SLC39A11: variants seen among roughly 807,000 people sequenced by gnomAD.
The protein encoded by SLC39A11 is solute carrier family 39 member 11.
A neutral mutation model predicts 36.1 loss-of-function variants in SLC39A11; 33 were observed. The observed-to-expected ratio is 0.91, with a 90% confidence interval of 0.69 to 1.22. SLC39A11 has a LOEUF of 1.22. Among genes scored for constraint, SLC39A11 ranks in the 50% most tolerant of loss-of-function variants. The pLI is 0.00. For synonymous variants in SLC39A11, 166 were observed against 170.3 expected (o/e 0.97, Z 0.20); for missense variants, 432 against 430.3 (o/e 1.00, Z -0.03).
At chr17:72,722,537 T>C (rs1373783785) in intron 7 of SLC39A11, among the ~76,000 whole-genome samples, 2 of 149,946 alleles carry the variant, frequency 1.3e-5, no homozygotes, top group African/African-American at 5.1e-5. Flanking sequence ...AAGTAAGGTC[T>C]TTGGAAGGTC....
intron 6 of SLC39A11, among the ~76,000 whole-genome samples, chr17:72,753,275 T>A (rs1425924870): frequency 6.6e-6 from 1 of 152,230 alleles, no homozygotes; most frequent in African/African-American, 2.4e-5. Context: ...TCAGGAAAAA[T>A]TTCCCCACAT....
intron 7 of SLC39A11, among the ~76,000 whole-genome samples, chr17:72,678,456 T>C (rs955706385): frequency 6.6e-6 from 1 of 152,038 alleles, no homozygotes; most frequent in Non-Finnish European, 1.5e-5. Context: ...TCTGTAATCC[T>C]AGCACTTTGG....
intron 6 of SLC39A11, among the ~76,000 whole-genome samples, chr17:72,806,780 G>T (rs950441478): frequency 1.3e-5 from 2 of 152,090 alleles, no homozygotes; most frequent in Non-Finnish European, 1.5e-5. Flanking sequence ...ACGGGGTTGT[G>T]CCATGTTGGC....
chr17:72,895,721 C>T (rs1473576328), intron 5 of SLC39A11, among the ~76,000 whole-genome samples: 3 of 152,144 alleles, frequency 2.0e-5, no homozygotes, highest in Non-Finnish European at 2.9e-5. Context: ...AGTGAGTTCT[C>T]TATTTTTCTC....
At chr17:72,765,395 T>G (rs567641989) in intron 6 of SLC39A11, among the ~76,000 whole-genome samples, 3 of 152,214 alleles carry the variant, frequency 2.0e-5, no homozygotes, top group African/African-American at 7.2e-5. Flanking sequence ...TGAAAAATCC[T>G]AGCCTCCAAA....
chr17:73,074,044 A>AT (rs1324752382), intron 3 of SLC39A11, among the ~76,000 whole-genome samples: 1 of 150,996 alleles, frequency 6.6e-6, no homozygotes, highest in Non-Finnish European at 1.5e-5. Context: ...AGGCAGTAAG[A>AT]TGGAAAAAAA....
At chr17:73,086,677 G>C (rs1263724203) in intron 2 of SLC39A11, among the ~76,000 whole-genome samples, 1 of 152,144 alleles carries the variant, frequency 6.6e-6, no homozygotes, top group Non-Finnish European at 1.5e-5. Context: ...AAAATTAGCT[G>C]GGCATGGTGG....
At chr17:73,014,867 C>T (rs2090722557) in intron 4 of SLC39A11, among the ~76,000 whole-genome samples, 1 of 152,116 alleles carries the variant, frequency 6.6e-6, no homozygotes, top group Admixed American at 6.5e-5. Context: ...GTGACATCTT[C>T]CTCTCCTGTT....
At position 72,977,514 on chromosome 17, in the gene SLC39A11, C is replaced by G. The variant is rs2087945519; in HGVS notation, c.307-29639G>C. 1.3e-5 allele frequency among the ~76,000 whole-genome samples: 2 copies of G among 152,168 alleles called. 1 individual carries two copies. Among genetic ancestry groups the G allele is most frequent in the South Asian group, 4.1e-4 (2 of 4,832 alleles). On this transcript the variant is annotated intron_variant, in intron 4 of 9. Coordinates refer to ENST00000255559, the MANE Select transcript of SLC39A11 (RefSeq NM_139177.4). ...GCGTGTCCCCAGGCCCTAGTTCATG[C>G]AGATAAAACCTGTCTTGGATATCAG...
chr17:72,670,139 TAC>T (rs1198524190), intron 7 of SLC39A11, among the ~76,000 whole-genome samples: 23 of 147,986 alleles, frequency 1.6e-4, no homozygotes, highest in Admixed American at 7.6e-4. Flanking sequence ...GAGATACGTA[TAC>T]ACACACACAC....
intron 6 of SLC39A11, among the ~76,000 whole-genome samples, chr17:72,795,116 T>C (rs576739021): frequency 6.6e-6 from 1 of 152,250 alleles, no homozygotes; most frequent in Admixed American, 6.5e-5. Context: ...TACTGCTGTA[T>C]AACATCTTCC....
intron 6 of SLC39A11, chr17:72,817,778 A>C (rs1453666520): frequency 6.6e-6 from 1 of 152,192 alleles, no homozygotes; most frequent in East Asian, 1.9e-4. Flanking sequence ...TCTTGTCCCC[A>C]TGGTGGTCTG....
chr17:73,005,470 C>T (rs2090129489), intron 4 of SLC39A11, among the ~76,000 whole-genome samples: 1 of 152,232 alleles, frequency 6.6e-6, no homozygotes, highest in Non-Finnish European at 1.5e-5. Context: ...TGGCCACCCT[C>T]TCACAATTAA....
rs567494714 is a variant in SLC39A11 at position 73,004,170 on chromosome 17, A to G, written c.306+27386T>C. Among the ~76,000 whole-genome samples the G allele has an allele frequency of 8.8e-3, 530 of 60,100 alleles. 5 individuals are homozygous for G. The highest frequency in any genetic ancestry group is 0.011 in the Non-Finnish European group (311 of 29,464). 39.4% of individuals were successfully genotyped at this position (60,100 alleles called of 152,430 possible). A position where few individuals can be genotyped will look rare whatever the true frequency, so the allele number is the denominator to read the frequency against. On this transcript the variant is annotated intron_variant, in intron 4 of 9. Coordinates refer to ENST00000255559, the MANE Select transcript of SLC39A11 (RefSeq NM_139177.4). ...AAGAAAGAAAGAAGGAAAAAAAGAA[A>G]GAAAGAAAGAAAGAAAGAAAGAAAG...
At chr17:72,977,751 T>C (rs1004160187) in intron 4 of SLC39A11, among the ~76,000 whole-genome samples, 5 of 152,078 alleles carry the variant, frequency 3.3e-5, no homozygotes, top group African/African-American at 1.2e-4. Flanking sequence ...AACAATGAGT[T>C]TGGGGAAACG....
At chr17:72,884,730 C>T (rs966225202) in intron 5 of SLC39A11, among the ~76,000 whole-genome samples, 90 of 152,294 alleles carry the variant, frequency 5.9e-4, no homozygotes, top group African/African-American at 2.0e-3. Flanking sequence ...AATAGGAAAT[C>T]GCTGCAGCAG....
chr17:72,882,794 C>T (rs933097110), intron 5 of SLC39A11, among the ~76,000 whole-genome samples: 2 of 66,500 alleles, frequency 3.0e-5, no homozygotes, highest in African/African-American at 1.1e-4. Flanking sequence ...AGAGAGAATG[C>T]TTCTTTTTTT....
intron 4 of SLC39A11, among the ~76,000 whole-genome samples, chr17:73,028,001 C>T (rs2058615365): frequency 6.6e-6 from 1 of 152,198 alleles, no homozygotes; most frequent in Non-Finnish European, 1.5e-5. Context: ...CAGACAGGCC[C>T]CCTACATCCT....
chr17:72,986,878 G>T (rs12601693), intron 4 of SLC39A11, among the ~76,000 whole-genome samples: 57,504 of 152,022 alleles, frequency 0.38, 11,560 homozygotes, highest in East Asian at 0.76. Context: ...CAACTACAAT[G>T]ACTAGTTTTT....
Sources: allele counts gnomAD v4.1 joint callset (sites outside exome capture counted in the v4.1 genomes callset), GRCh38; gene constraint gnomAD v4.1.1; transcripts MANE v1.5; gene names NCBI Gene and HGNC (gene_info 2026-07-23, HGNC 2026-07-21).